PCMT1: variants seen among roughly 807,000 people sequenced by gnomAD.
The protein encoded by PCMT1 is protein-L-isoaspartate(D-aspartate) O-methyltransferase.
Under a neutral mutation model 29.2 loss-of-function variants are expected in PCMT1, and 9 were observed. The ratio of observed to expected loss-of-function variants is 0.31; its 90% confidence interval spans 0.19 to 0.54. The LOEUF (loss-of-function observed/expected upper bound fraction) is 0.54, where lower values mean the gene tolerates loss of function less well. PCMT1 is among the 20% of genes least tolerant of loss of function. PCMT1 has a pLI of 0.95. For missense variants in PCMT1, 184 were observed against 282.2 expected (o/e 0.65, Z 2.49); for synonymous variants, 98 against 97.5 (o/e 1.00, Z -0.03).
At chr6:149,802,696 A>C (rs1775876760) in intron 7 of PCMT1, among the ~76,000 whole-genome samples, 1 of 150,652 alleles carries the variant, frequency 6.6e-6, no homozygotes, top group Non-Finnish European at 1.5e-5. Flanking sequence ...ATTATCAGCC[A>C]CTCTGTTTTT....
chr6:149,760,882 G>A (rs1393399208), intron 1 of PCMT1, among the ~76,000 whole-genome samples: 1 of 152,058 alleles, frequency 6.6e-6, no homozygotes, highest in Non-Finnish European at 1.5e-5. Context: ...AGCATGTTCT[G>A]GAAGTTGTAT....
At chr6:149,754,656 T>C (rs1358559375) in intron 1 of PCMT1, among the ~76,000 whole-genome samples, 18 of 152,186 alleles carry the variant, frequency 1.2e-4, no homozygotes, top group Admixed American at 1.1e-3. Context: ...AATGGGAAAT[T>C]CCTGAAACAA....
At chr6:149,774,905 C>A (rs941482280) in intron 3 of PCMT1, among the ~76,000 whole-genome samples, 1 of 152,016 alleles carries the variant, frequency 6.6e-6, no homozygotes, top group African/African-American at 2.4e-5. Context: ...GACGGGGTTT[C>A]ACCATGTTAG....
chr6:149,810,823 C>T lies in PCMT1; in HGVS notation c.*245C>T. 1 of 470,172 alleles carries T rather than the reference C, an allele frequency of 2.1e-6. No individual in the cohort carries two copies. Among genetic ancestry groups the T allele is most frequent in the South Asian group, 4.1e-5 (1 of 24,216 alleles). 29.1% of individuals were successfully genotyped at this position (470,172 alleles called of 1,614,324 possible). ...GAGCCAAATTGGTAGAGGAAGGATG[C>T]AAAGTATAAATTTGTGTAATATTAC... On this transcript the variant is annotated 3_prime_UTR_variant, in exon 8 of 8. Transcript: ENST00000464889.
In PCMT1 at chr6:149,788,544, C is replaced by T. The variant is rs188649997; in HGVS notation, c.193-1410C>T. On this transcript the variant is annotated intron_variant, in intron 3 of 7. Coordinates refer to ENST00000464889, the MANE Select transcript of PCMT1 (RefSeq NM_001360452.2). ...AATTTGGGTTTGTTTGATGTTTCCT[C>T]ATAATTCAATATAGGTTATGCATTT... Among the ~76,000 whole-genome samples, 35 of 152,222 alleles carry T rather than the reference C, an allele frequency of 2.3e-4. No individual in the cohort carries two copies. In the East Asian group the frequency reaches 6.6e-3, roughly 29 times the overall value.
intron 7 of PCMT1, among the ~76,000 whole-genome samples, chr6:149,806,415 A>G (rs549043173): frequency 6.6e-6 from 1 of 152,334 alleles, no homozygotes; most frequent in South Asian, 2.1e-4. Context: ...CAAGGATGAA[A>G]TGATGGTCTG....
intron 3 of PCMT1, among the ~76,000 whole-genome samples, chr6:149,775,027 T>C (rs1029128819): frequency 4.6e-5 from 7 of 152,086 alleles, no homozygotes; most frequent in African/African-American, 1.7e-4. Flanking sequence ...GTATTTTTAA[T>C]AGAGACAGGG....
chr6:149,772,903 G>A (rs1260005054), intron 2 of PCMT1, among the ~76,000 whole-genome samples: 1 of 151,678 alleles, frequency 6.6e-6, no homozygotes, highest in Admixed American at 6.6e-5. Context: ...TGTAGTCCCA[G>A]CTACTCGGGA....
At chr6:149,769,752 T>G (rs1562403148) in intron 1 of PCMT1, among the ~76,000 whole-genome samples, 1 of 150,766 alleles carries the variant, frequency 6.6e-6, no homozygotes, top group Non-Finnish European at 1.5e-5. Context: ...GGTTGTGCCA[T>G]GATCCCCAGC....
chr6:149,750,602 C>G (rs962084300), intron 1 of PCMT1, among the ~76,000 whole-genome samples: 2 of 152,136 alleles, frequency 1.3e-5, no homozygotes, highest in Admixed American at 6.5e-5. Context: ...GGATGCTGTT[C>G]CTGAGAGACT....
intron 3 of PCMT1, 60 bp downstream of exon 3, chr6:149,773,229 C>T: frequency 7.7e-7 from 1 of 1,304,500 alleles, no homozygotes; most frequent in Non-Finnish European, 1.1e-6. Context: ...TAATCATTTT[C>T]TTTAGTAAAA....
intron 1 of PCMT1, among the ~76,000 whole-genome samples, chr6:149,760,973 C>T (rs1045019287): frequency 6.6e-6 from 1 of 152,116 alleles, no homozygotes; most frequent in African/African-American, 2.4e-5. Flanking sequence ...ATTGGGAATG[C>T]ACCCAAATAA....
intron 3 of PCMT1, among the ~76,000 whole-genome samples, chr6:149,784,825 TC>T (rs1163434336): frequency 6.6e-6 from 1 of 152,222 alleles, no homozygotes; most frequent in East Asian, 1.9e-4. Flanking sequence ...TATTATTTCA[TC>T]CCTGGATACT....
At chr6:149,773,016 GAAAAAAA>G (rs373290909) in intron 2 of PCMT1, 115 bp from the exon 3 acceptor site, 15 of 424,962 alleles carry the variant, frequency 3.5e-5, no homozygotes, top group Middle Eastern at 6.2e-4. Flanking sequence ...GACTGTCTCA[GAAAAAAA>G]AAAAAAAAAA....
chr6:149,756,221 A>C (rs1344144896), intron 1 of PCMT1, among the ~76,000 whole-genome samples: 1 of 152,212 alleles, frequency 6.6e-6, no homozygotes, highest in Non-Finnish European at 1.5e-5. Flanking sequence ...TGAATATGCA[A>C]GAATTATGAT....
chr6:149,762,971 A>C lies in PCMT1; in HGVS notation c.56-8191A>C, dbSNP rs866043007. On this transcript the variant is annotated intron_variant, in intron 1 of 7. Coordinates refer to ENST00000464889, the MANE Select transcript of PCMT1 (RefSeq NM_001360452.2). ...TCTATGATATGTATATCTATGATAT[A>C]TATGATATATATATCTATGATATAT... Among the ~76,000 whole-genome samples the C allele has an allele frequency of 1.3e-4, 8 of 60,758 alleles. 1 individual carries two copies. The highest frequency in any genetic ancestry group is 2.3e-3 in the East Asian group (2 of 858). 39.9% of individuals were successfully genotyped at this position (60,758 alleles called of 152,430 possible). A position where few individuals can be genotyped will look rare whatever the true frequency, so the allele number is the denominator to read the frequency against.
At chr6:149,752,733 A>G (rs1202339669) in intron 1 of PCMT1, among the ~76,000 whole-genome samples, 1 of 152,180 alleles carries the variant, frequency 6.6e-6, no homozygotes, top group African/African-American at 2.4e-5. Flanking sequence ...GTGATTAAGT[A>G]ATTTTCCACC....
chr6:149,785,100 T>G (rs1787969006), intron 3 of PCMT1, among the ~76,000 whole-genome samples: 1 of 151,068 alleles, frequency 6.6e-6, no homozygotes, highest in Non-Finnish European at 1.5e-5. Flanking sequence ...TTGACTAAAG[T>G]AGTTCATTTG....
chr6:149,767,071 T>G (rs1787114939), intron 1 of PCMT1, among the ~76,000 whole-genome samples: 1 of 152,040 alleles, frequency 6.6e-6, no homozygotes, highest in Non-Finnish European at 1.5e-5. Context: ...TAGCTGGATG[T>G]GGTGGCAGGC....
Sources: allele counts gnomAD v4.1 joint callset (sites outside exome capture counted in the v4.1 genomes callset), GRCh38; gene constraint gnomAD v4.1.1; transcripts MANE v1.5; gene names NCBI Gene and HGNC (gene_info 2026-07-23, HGNC 2026-07-21).